The following MRPS31 variants were observed in gnomAD, a reference collection of about 807,000 sequenced individuals.
MRPS31 encodes mitochondrial ribosomal protein S31.
A neutral mutation model predicts 43.1 loss-of-function variants in MRPS31; 32 were observed. The observed-to-expected ratio is 0.74, with a 90% CI of 0.56 to 1.00. The LOEUF (loss-of-function observed/expected upper bound fraction) is 1.00, where lower values mean the gene tolerates loss of function less well. Ranked by LOEUF, MRPS31 falls within the 50% of genes least tolerant of loss-of-function variation. The pLI is 0.00. For missense variants in MRPS31, 437 were observed against 466.7 expected (o/e 0.94, Z 0.59); for synonymous variants, 165 against 161.6 (o/e 1.02, Z -0.16).
chr13:40,759,797 T>TAAA (rs1189152918), intron 2 of MRPS31, among the ~76,000 whole-genome samples: 1 of 152,066 alleles, frequency 6.6e-6, no homozygotes, highest in African/African-American at 2.4e-5. Context: ...TAAGCAAATA[T>TAAA]AAAGGCAGGT....
In MRPS31 at chr13:40,765,408, T is replaced by C. The variant is rs140871795; in HGVS notation, c.440+1338A>G. Among the ~76,000 whole-genome samples the C allele has an allele frequency of 2.2e-4, 34 of 152,364 alleles. No homozygotes were observed. In the East Asian group the frequency reaches 6.5e-3, roughly 29 times the overall value. On this transcript the variant is annotated intron_variant, in intron 2 of 6. Coordinates refer to ENST00000323563, the MANE Select transcript of MRPS31 (RefSeq NM_005830.4). The stretch of plus-strand genomic sequence containing the variant: ...TCTTTCCAAAGCATTCAACTCACTT[T>C]ACCATTTCTGTAATCGTTAATTCAA...
intron 1 of MRPS31, 69 bp from the exon 2 acceptor site, chr13:40,767,102 T>TA (rs1880872754): frequency 8.0e-7 from 1 of 1,250,666 alleles, no homozygotes; most frequent in Admixed American, 2.8e-5. Flanking sequence ...AAAACTTACT[T>TA]ACAATAAAGT....
At chr13:40,753,965 C>G in intron 5 of MRPS31, 54 bp downstream of exon 5, 1 of 1,135,902 alleles carries the variant, frequency 8.8e-7, no homozygotes, top group South Asian at 1.3e-5. Context: ...CTAAGGACAT[C>G]CTGGAACGAT....
At chr13:40,738,761 T>A (rs1393051105) in intron 6 of MRPS31, among the ~76,000 whole-genome samples, 2 of 152,140 alleles carry the variant, frequency 1.3e-5, no homozygotes. Context: ...AAACTCTCAA[T>A]AAATTAGGTA....
chr13:40,756,160 C>T (rs928974963), intron 4 of MRPS31, among the ~76,000 whole-genome samples: 11 of 152,166 alleles, frequency 7.2e-5, no homozygotes, highest in African/African-American at 2.7e-4. Flanking sequence ...GCATTGAAAA[C>T]ACTCCAGTTG....
At position 40,771,105 on chromosome 13, in the gene MRPS31, A is replaced by C; in HGVS notation, c.32T>G (p.Leu11Arg). 3 of 1,613,562 alleles carry C rather than the reference A, an allele frequency of 1.9e-6. No homozygotes were observed. Among genetic ancestry groups the C allele is most frequent in the Non-Finnish European group, 2.5e-6 (3 of 1,179,698 alleles). The change falls in exon 1 of 7, where the codon CTT (leucine) becomes CGT (arginine). Residue 11 changes from leucine (L) to arginine (R), a missense_variant. By Grantham distance (102) the Leu-to-Arg change is moderately radical. Transcript: ENST00000323563. ...CAAAGGGTGGCGGGAAAGGGGGCGA[A>C]GAGGTAGGAACGTCGAGACTCTAGG... is the stretch of plus-strand genomic sequence containing the variant. MFPRVSTFLPLRPLSRHPLSS... is the reference protein window; with the variant it reads MFPRVSTFLPRRPLSRHPLSS...
intron 2 of MRPS31, among the ~76,000 whole-genome samples, chr13:40,764,858 C>A (rs185169634): frequency 9.2e-5 from 14 of 152,344 alleles, no homozygotes; most frequent in African/African-American, 1.9e-4. Flanking sequence ...CTAGTCAAAT[C>A]GCTAACCCAC....
intron 6 of MRPS31, among the ~76,000 whole-genome samples, chr13:40,732,994 G>GTTTTTTTT (rs1159862645): frequency 1.2e-5 from 1 of 84,486 alleles, no homozygotes; most frequent in Non-Finnish European, 2.1e-5. Flanking sequence ...AATGCATTTG[G>GTTTTTTTT]TTTTTTTTTT....
rs1879591722 is a variant in MRPS31, at chr13:40,729,304, C to T, written c.*68G>A. ...ATAATCAACATAACATATACAAACTCTAGTAAAATTATTTTATTTAGTTGT... is the reference window on the plus strand; with the variant it reads ...ATAATCAACATAACATATACAAACTTTAGTAAAATTATTTTATTTAGTTGT... On this transcript the variant is annotated 3_prime_UTR_variant, in exon 7 of 7. Coordinates refer to ENST00000323563, the MANE Select transcript of MRPS31 (RefSeq NM_005830.4). 1 of 800,508 alleles carries T rather than the reference C, an allele frequency of 1.2e-6. No homozygotes were observed. The allele number at this position is 800,508 out of a possible 1,614,324, so 49.6% of individuals were successfully genotyped here. A position where few individuals can be genotyped will look rare whatever the true frequency, so the allele number is the denominator to read the frequency against.
intron 6 of MRPS31, among the ~76,000 whole-genome samples, chr13:40,746,845 C>T (rs1042672148): frequency 6.6e-6 from 1 of 152,158 alleles, no homozygotes; most frequent in African/African-American, 2.4e-5. Flanking sequence ...GCTGTAGAAA[C>T]AGGGATGGTG....
chr13:40,736,485 T>C (rs1422722934), intron 6 of MRPS31, among the ~76,000 whole-genome samples: 4 of 147,358 alleles, frequency 2.7e-5, no homozygotes, highest in African/African-American at 1.0e-4. Flanking sequence ...ATTGTCAGAT[T>C]CACCAAAGTT....
chr13:40,752,495 A>C (rs1050835041), intron 5 of MRPS31: 1 of 152,222 alleles, frequency 6.6e-6, no homozygotes, highest in Non-Finnish European at 1.5e-5. Flanking sequence ...ACAAACACTG[A>C]ATTAACTTCT....
intron 6 of MRPS31, among the ~76,000 whole-genome samples, chr13:40,745,453 T>C (rs1051057683): frequency 6.6e-6 from 1 of 152,194 alleles, no homozygotes; most frequent in Non-Finnish European, 1.5e-5. Flanking sequence ...GGTTTCACCA[T>C]GTTGGCCAGG....
chr13:40,760,901 A>C (rs549080305), intron 2 of MRPS31, among the ~76,000 whole-genome samples: 1 of 152,204 alleles, frequency 6.6e-6, no homozygotes, highest in East Asian at 1.9e-4. Flanking sequence ...AAATTCCTGA[A>C]GTTCTTGGAG....
rs1258798884 is a variant in MRPS31 at position 40,771,163 on chromosome 13, C to T, written c.-27G>A. ...GCCGAGACACGAAATGAACCAAGAA[C>T]ACAACTGAAATGGTGCGTCCCGCTG... On this transcript the variant is annotated 5_prime_UTR_variant, in exon 1 of 7. Coordinates refer to ENST00000323563, the MANE Select transcript of MRPS31 (RefSeq NM_005830.4). 2 of 1,580,446 alleles carry T rather than the reference C, an allele frequency of 1.3e-6. No homozygotes were observed. Among genetic ancestry groups the T allele is most frequent in the Non-Finnish European group, 1.7e-6 (2 of 1,160,900 alleles).
chr13:40,742,804 G>T (rs1441482787), intron 6 of MRPS31, among the ~76,000 whole-genome samples: 3 of 152,088 alleles, frequency 2.0e-5, no homozygotes, highest in African/African-American at 7.2e-5. Flanking sequence ...TCTAAATTGA[G>T]AATTACTCTA....
At chr13:40,743,654 C>G (rs1426939522) in intron 6 of MRPS31, among the ~76,000 whole-genome samples, 1 of 152,088 alleles carries the variant, frequency 6.6e-6, no homozygotes, top group Non-Finnish European at 1.5e-5. Context: ...CAATGAGATA[C>G]CATCTCACAC....
intron 5 of MRPS31, among the ~76,000 whole-genome samples, chr13:40,752,646 G>A (rs1262486086): frequency 6.6e-6 from 1 of 152,110 alleles, no homozygotes; most frequent in Non-Finnish European, 1.5e-5. Context: ...CTATTAAATA[G>A]AGGGAAAATC....
chr13:40,732,994 GTTTTTTTTTTTT>G (rs1159862645), intron 6 of MRPS31, among the ~76,000 whole-genome samples: 1 of 84,486 alleles, frequency 1.2e-5, no homozygotes, highest in Non-Finnish European at 2.1e-5. Context: ...AATGCATTTG[GTTTTTTTTTTTT>G]TTTTTTTTTT....
Sources: allele counts gnomAD v4.1 joint callset (sites outside exome capture counted in the v4.1 genomes callset), GRCh38; gene constraint gnomAD v4.1.1; transcripts MANE v1.5; gene names NCBI Gene and HGNC (gene_info 2026-07-23, HGNC 2026-07-21).